The following DIP2A variants were observed in gnomAD, a reference collection of about 807,000 sequenced individuals.
DIP2A encodes the protein DIP2 acetate--CoA ligase A, also known as disco-interacting protein 2 homolog A.
In DIP2A, 85 loss-of-function variants were observed where a neutral mutation model predicts 177.4. That is an observed-to-expected ratio of 0.48 (90% CI 0.40 to 0.57). DIP2A has a LOEUF of 0.57. Among genes scored for constraint, DIP2A ranks in the 20% least tolerant of loss-of-function variants. The pLI is 0.00. For synonymous variants in DIP2A, 886 were observed against 881.8 expected (o/e 1.00, Z -0.08); for missense variants, 1,791 against 2,100.2 (o/e 0.85, Z 2.88).
chr21:46,514,970 G>A (rs910371813), intron 8 of DIP2A, among the ~76,000 whole-genome samples: 4 of 152,042 alleles, frequency 2.6e-5, no homozygotes, highest in Non-Finnish European at 5.9e-5. Flanking sequence ...TAAAGCAGCC[G>A]TTCATTTGTA....
At chr21:46,528,357 G>T (rs368123930) in intron 8 of DIP2A, among the ~76,000 whole-genome samples, 4 of 151,926 alleles carry the variant, frequency 2.6e-5, no homozygotes, top group Admixed American at 6.6e-5. Context: ...GATATTTAAC[G>T]TAATGAAAAT....
At chr21:46,527,526 G>T (rs146844786) in intron 8 of DIP2A, among the ~76,000 whole-genome samples, 1 of 151,720 alleles carries the variant, frequency 6.6e-6, no homozygotes, top group African/African-American at 2.4e-5. Flanking sequence ...GGGTTTCACC[G>T]TGTTGACCAG....
chr21:46,471,175 A>G (rs1031116106), intron 1 of DIP2A, among the ~76,000 whole-genome samples: 1 of 152,096 alleles, frequency 6.6e-6, no homozygotes, highest in Non-Finnish European at 1.5e-5. Context: ...TTAGGATTTC[A>G]GGTGCACTCT....
At chr21:46,532,086 A>G (rs374951385) in intron 9 of DIP2A, 41 bp from the exon 10 acceptor site, 1 of 1,569,286 alleles carries the variant, frequency 6.4e-7, no homozygotes, top group East Asian at 2.3e-5. Flanking sequence ...ATATTGTAAA[A>G]ATTGGAAATT....
intron 8 of DIP2A, among the ~76,000 whole-genome samples, chr21:46,527,325 G>GTT (rs58453285): frequency 0.48 from 51,197 of 105,590 alleles, 14,352 homozygotes; most frequent in Admixed American, 0.61. Context: ...TTGAGTTGAG[G>GTT]TTTTTTTTTT....
chr21:46,527,325 GTTT>G (rs58453285), intron 8 of DIP2A, among the ~76,000 whole-genome samples: 2 of 105,586 alleles, frequency 1.9e-5, no homozygotes, highest in African/African-American at 3.7e-5. Context: ...TTGAGTTGAG[GTTT>G]TTTTTTTTTT....
In DIP2A at chr21:46,567,528, C is replaced by G; in HGVS notation, c.4622C>G (p.Pro1541Arg). ...VVVIVDPGVI[P>R]INSRGEKQRM... ...GTCATCGTGGACCCAGGGGTGATCC[C>G]TATCAACTCTCGGGGTGAGAAGCAG... The change falls in exon 38 of 38, where the codon CCT becomes CGT. Residue 1541 changes from proline (P) to arginine (R), a missense_variant. Transcript: ENST00000417564. The G allele has an allele frequency of 6.2e-7, 1 of 1,613,854 alleles. No individual in the cohort carries two copies. Among genetic ancestry groups the G allele is most frequent in the Non-Finnish European group, 8.5e-7 (1 of 1,179,852 alleles).
At chr21:46,548,037 C>A (rs897042444) in intron 21 of DIP2A, among the ~76,000 whole-genome samples, 4 of 152,056 alleles carry the variant, frequency 2.6e-5, no homozygotes, top group Non-Finnish European at 5.9e-5. Context: ...CTTTGAGTAG[C>A]CCTTAAAGCA....
chr21:46,534,471 G>A (rs148063279), intron 12 of DIP2A, 114 bp from the exon 13 acceptor site: 1 of 1,029,030 alleles, frequency 9.7e-7, no homozygotes, highest in East Asian at 2.6e-5. Flanking sequence ...AGAGGCCGAT[G>A]GTTAGAGGAG....
intron 34 of DIP2A, among the ~76,000 whole-genome samples, chr21:46,562,182 C>T (rs1241596479): frequency 6.6e-6 from 1 of 152,184 alleles, no homozygotes; most frequent in East Asian, 1.9e-4. Flanking sequence ...ATGGCAAAAT[C>T]TCATGCCCTA....
At chr21:46,545,397 T>A in intron 19 of DIP2A, 124 bp downstream of exon 19, 6 of 1,185,962 alleles carry the variant, frequency 5.1e-6, no homozygotes, top group Non-Finnish European at 7.1e-6. Flanking sequence ...ACACAGGCGC[T>A]GCTGGGGCTG....
chr21:46,470,763 C>CAA (rs1348605904), intron 1 of DIP2A, among the ~76,000 whole-genome samples: 8 of 108,726 alleles, frequency 7.4e-5, no homozygotes, highest in African/African-American at 1.3e-4. Context: ...GACTCTGTCT[C>CAA]AAAAAAAAAA....
At chr21:46,551,775 G>A in intron 24 of DIP2A, 32 bp downstream of exon 24, 1 of 1,613,476 alleles carries the variant, frequency 6.2e-7, no homozygotes, top group Non-Finnish European at 8.5e-7. Context: ...CGGGTGGACG[G>A]GTGTCTGTGC....
intron 18 of DIP2A, 144 bp from the exon 19 acceptor site, chr21:46,544,993 T>C (rs926897627): frequency 1.5e-5 from 9 of 607,176 alleles, no homozygotes; most frequent in Non-Finnish European, 2.1e-5. Flanking sequence ...ATGTGTATCA[T>C]CTGTGTCATA....
At chr21:46,550,472 C>T in intron 22 of DIP2A, 71 bp from the exon 23 acceptor site, 2 of 1,466,474 alleles carry the variant, frequency 1.4e-6, no homozygotes, top group Non-Finnish European at 1.9e-6. Flanking sequence ...AGGGGATGTT[C>T]CTGTCCCCCA....
intron 3 of DIP2A, among the ~76,000 whole-genome samples, chr21:46,495,923 T>G (rs956724495): frequency 1.3e-5 from 2 of 151,878 alleles, no homozygotes; most frequent in African/African-American, 4.8e-5. Flanking sequence ...AATATAAAAA[T>G]TAGCCGGGCG....
chr21:46,493,661 G>C (rs913598647), intron 3 of DIP2A, among the ~76,000 whole-genome samples: 4 of 152,050 alleles, frequency 2.6e-5, no homozygotes, highest in Admixed American at 1.3e-4. Context: ...TTTTTCTCTG[G>C]AAGCTTTTAG....
intron 7 of DIP2A, among the ~76,000 whole-genome samples, chr21:46,510,295 G>A (rs2058243100): frequency 6.6e-6 from 1 of 152,124 alleles, no homozygotes; most frequent in African/African-American, 2.4e-5. Flanking sequence ...GGCCGTGCTG[G>A]CAGCTGATTA....
rs1450008327 is a variant in DIP2A at position 46,484,104 on chromosome 21, G to T, written c.92-653G>T. ...GACACCCCTTGGCCTGGGACGGCTT[G>T]TGTCCCATGGGTCCCTTATTGCAAT... is the stretch of plus-strand genomic sequence containing the variant. On this transcript the variant is annotated intron_variant, in intron 1 of 37. Transcript: ENST00000417564. 2.6e-5 allele frequency among the ~76,000 whole-genome samples: 4 copies of T among 152,260 alleles called. No homozygotes were observed. The South Asian group carries it at 6.2e-4, about 24-fold the overall frequency.
Sources: allele counts gnomAD v4.1 joint callset (sites outside exome capture counted in the v4.1 genomes callset), GRCh38; gene constraint gnomAD v4.1.1; transcripts MANE v1.5; gene names NCBI Gene and HGNC (gene_info 2026-07-23, HGNC 2026-07-21).